The following GLRA1 variants were observed in gnomAD, a reference collection of about 807,000 sequenced individuals.
The protein encoded by GLRA1 is glycine receptor alpha 1.
Under a neutral mutation model 48.3 loss-of-function variants are expected in GLRA1, and 37 were observed. The observed-to-expected ratio is 0.77, with a 90% CI of 0.59 to 1.01. GLRA1 has a LOEUF of 1.01. GLRA1 is among the 50% of genes least tolerant of loss of function. The pLI, the probability that GLRA1 is intolerant of heterozygous loss-of-function variation, is 0.00. For missense variants in GLRA1, 427 were observed against 571.0 expected (o/e 0.75, Z 2.57); for synonymous variants, 196 against 210.7 (o/e 0.93, Z 0.60).
intron 3 of GLRA1, among the ~76,000 whole-genome samples, chr5:151,878,646 C>T (rs1753686156): frequency 6.6e-6 from 1 of 152,158 alleles, no homozygotes; most frequent in Non-Finnish European, 1.5e-5. Flanking sequence ...TGCCCTGTGT[C>T]CCAGCCACTC....
intron 7 of GLRA1, among the ~76,000 whole-genome samples, chr5:151,841,162 A>AG (rs2113316344): frequency 6.6e-6 from 1 of 152,304 alleles, no homozygotes; most frequent in Non-Finnish European, 1.5e-5. Context: ...AAATAGTTGA[A>AG]ATCATACAAA....
chr5:151,879,656 A>T (rs1753713236), intron 3 of GLRA1, among the ~76,000 whole-genome samples: 1 of 152,106 alleles, frequency 6.6e-6, no homozygotes, highest in African/African-American at 2.4e-5. Context: ...TGGCCAGCTA[A>T]CTTGCTTTTG....
intron 1 of GLRA1, among the ~76,000 whole-genome samples, chr5:151,904,826 A>G (rs980652664): frequency 2.6e-5 from 4 of 152,204 alleles, no homozygotes; most frequent in East Asian, 1.9e-4. Flanking sequence ...TATTGATTCA[A>G]AGAGAGTTGG....
At chr5:151,921,375 C>T (rs922487848) in intron 1 of GLRA1, among the ~76,000 whole-genome samples, 5 of 152,206 alleles carry the variant, frequency 3.3e-5, no homozygotes, top group Admixed American at 6.5e-5. Context: ...ACAATTTTGT[C>T]TCCCCTTTGC....
At chr5:151,883,076 C>A (rs2964599) in intron 3 of GLRA1, among the ~76,000 whole-genome samples, 93,101 of 151,880 alleles carry the variant, frequency 0.61, 28,698 homozygotes, top group East Asian at 0.71. Context: ...TGAAATATGC[C>A]TGCTTGGAAA....
At chr5:151,900,878 C>T (rs1490471373) in intron 1 of GLRA1, among the ~76,000 whole-genome samples, 1 of 152,152 alleles carries the variant, frequency 6.6e-6, no homozygotes, top group Non-Finnish European at 1.5e-5. Context: ...ACATGGTTTT[C>T]ATGAAGTACA....
intron 1 of GLRA1, among the ~76,000 whole-genome samples, chr5:151,894,955 T>C (rs1561575766): frequency 6.6e-6 from 1 of 152,232 alleles, no homozygotes; most frequent in Non-Finnish European, 1.5e-5. Context: ...CCTGGGGAAC[T>C]AATTTTGATG....
At chr5:151,923,236 G>A (rs1370064832) in intron 1 of GLRA1, among the ~76,000 whole-genome samples, 2 of 152,200 alleles carry the variant, frequency 1.3e-5, no homozygotes, top group Non-Finnish European at 2.9e-5. Context: ...CATGAAAAGA[G>A]ACTGAAATAC....
At chr5:151,837,036 C>G (rs113232070) in intron 7 of GLRA1, among the ~76,000 whole-genome samples, 1 of 152,236 alleles carries the variant, frequency 6.6e-6, no homozygotes, top group Admixed American at 6.5e-5. Context: ...AGGCAACCTA[C>G]GGAATGGGAG....
At chr5:151,896,020 G>A (rs901141517) in intron 1 of GLRA1, among the ~76,000 whole-genome samples, 4 of 152,162 alleles carry the variant, frequency 2.6e-5, no homozygotes, top group Admixed American at 1.3e-4. Context: ...GAGCACAAGC[G>A]ATCTCTTCGC....
chr5:151,898,791 CT>C (rs1329082808), intron 1 of GLRA1, among the ~76,000 whole-genome samples: 5 of 152,264 alleles, frequency 3.3e-5, no homozygotes, highest in South Asian at 2.1e-4. Flanking sequence ...ACAGTCAGCA[CT>C]ATAATTGAGG....
At chr5:151,849,260 T>TTCTCTCTC (rs1276065174) in intron 7 of GLRA1, among the ~76,000 whole-genome samples, 7 of 79,642 alleles carry the variant, frequency 8.8e-5, no homozygotes, top group African/African-American at 1.8e-4. Flanking sequence ...CCTTCTTTCT[T>TTCTCTCTC]TCTCTCTCTC....
intron 7 of GLRA1, among the ~76,000 whole-genome samples, chr5:151,838,720 G>A (rs1305736610): frequency 6.6e-6 from 1 of 152,086 alleles, no homozygotes; most frequent in East Asian, 1.9e-4. Context: ...AATTTGCAGT[G>A]GAGACAGAAA....
chr5:151,912,505 C>G (rs765312075), intron 1 of GLRA1, among the ~76,000 whole-genome samples: 1 of 152,120 alleles, frequency 6.6e-6, no homozygotes. Context: ...AAAGGTTGAG[C>G]GAGCAACTCA....
At chr5:151,841,132 T>G (rs1157035662) in intron 7 of GLRA1, among the ~76,000 whole-genome samples, 1 of 152,106 alleles carries the variant, frequency 6.6e-6, no homozygotes, top group Non-Finnish European at 1.5e-5. Flanking sequence ...CTATTATGCA[T>G]AAAACAAGTC....
chr5:151,897,216 A>G lies in GLRA1; in HGVS notation c.57-4778T>C, dbSNP rs78201927. Among the ~76,000 whole-genome samples the G allele has an allele frequency of 8.7e-3, 1,321 of 152,198 alleles. 19 individuals are homozygous for G. Among genetic ancestry groups the G allele is most frequent in the African/African-American group, 0.031 (1,269 of 41,512 alleles). ...TTTCTGTCTATATTTAGACAGTACA[A>G]TTTGCACAGGATTATTCAAAACTCC... On this transcript the variant is annotated intron_variant, in intron 1 of 8. Transcript: ENST00000274576.
At chr5:151,823,723 C>T (rs565188511) in intron 8 of GLRA1, among the ~76,000 whole-genome samples, 2 of 152,340 alleles carry the variant, frequency 1.3e-5, no homozygotes, top group African/African-American at 2.4e-5. Flanking sequence ...CCTTCTCCCC[C>T]ACCAGATACT....
At chr5:151,924,262 A>C (rs1754950504) in intron 1 of GLRA1, among the ~76,000 whole-genome samples, 1 of 149,296 alleles carries the variant, frequency 6.7e-6, no homozygotes, top group Admixed American at 6.6e-5. Context: ...CAGCTGCCAG[A>C]ACAGCGACTG....
At chr5:151,823,112 G>C in intron 8 of GLRA1, 149 bp from the exon 9 acceptor site, 2 of 695,614 alleles carry the variant, frequency 2.9e-6, no homozygotes, top group South Asian at 4.3e-5. Flanking sequence ...GAGGCTTTTT[G>C]GCTGGCTGGG....
Sources: gnomAD v4.1 joint callset for allele counts (sites outside exome capture counted in the v4.1 genomes callset) on GRCh38, gnomAD v4.1.1 for gene constraint, MANE v1.5 for transcripts, NCBI Gene and HGNC (gene_info 2026-07-23, HGNC 2026-07-21) for gene names.